RBFOX1: variants seen among roughly 807,000 people sequenced by gnomAD.
RBFOX1 encodes RNA binding fox-1 homolog 1.
RBFOX1 carries 8 observed loss-of-function variants against 57.7 expected under a neutral mutation model. That is an observed-to-expected ratio of 0.14 (90% CI 0.08 to 0.25). The LOEUF is 0.25. Among genes scored for constraint, RBFOX1 ranks in the 10% least tolerant of loss-of-function variants. RBFOX1 has a pLI of 1.00. For missense variants in RBFOX1, 611 were observed against 548.5 expected (o/e 1.11, Z -1.14); for synonymous variants, 326 against 222.4 (o/e 1.47, Z -4.15).
At chr16:6,594,240 C>G (rs1373372687) in intron 2 of RBFOX1, among the ~76,000 whole-genome samples, 5 of 152,194 alleles carry the variant, frequency 3.3e-5, no homozygotes, top group African/African-American at 1.2e-4. Context: ...TTGGTGACTG[C>G]TAAATGAAGA....
chr16:5,913,916 C>T (rs533044437), intron 4 of RBFOX1, among the ~76,000 whole-genome samples: 18 of 152,324 alleles, frequency 1.2e-4, no homozygotes, highest in African/African-American at 3.1e-4. Context: ...AAGAGGTGGA[C>T]AGGGTATATT....
At chr16:6,671,007 CAA>C (rs2098761265) in intron 3 of RBFOX1, among the ~76,000 whole-genome samples, 1 of 152,086 alleles carries the variant, frequency 6.6e-6, no homozygotes, top group East Asian at 1.9e-4. Flanking sequence ...CTCAAAAAAA[CAA>C]AAAACTGGTT....
At chr16:7,638,070 C>CTTT (rs1224769022) in intron 11 of RBFOX1, among the ~76,000 whole-genome samples, 1 of 152,150 alleles carries the variant, frequency 6.6e-6, no homozygotes, top group East Asian at 1.9e-4. Flanking sequence ...AAAACATGAT[C>CTTT]TATCTCCATT....
intron 3 of RBFOX1, among the ~76,000 whole-genome samples, chr16:5,825,606 G>A (rs1041653440): frequency 6.6e-6 from 1 of 152,144 alleles, no homozygotes; most frequent in African/African-American, 2.4e-5. Context: ...AATTTAAAGT[G>A]TACAATGTAA....
chr16:6,894,103 C>G (rs145395328), intron 3 of RBFOX1, among the ~76,000 whole-genome samples: 8 of 152,272 alleles, frequency 5.3e-5, no homozygotes, highest in African/African-American at 7.2e-5. Context: ...GATAGACGAA[C>G]AGATACAAAC....
At chr16:6,289,291 T>A (rs565353388) in intron 1 of RBFOX1, among the ~76,000 whole-genome samples, 1 of 152,154 alleles carries the variant, frequency 6.6e-6, no homozygotes, top group South Asian at 2.1e-4. Flanking sequence ...GGAGGTAGGA[T>A]GGAAGGGTGG....
intron 4 of RBFOX1, among the ~76,000 whole-genome samples, chr16:7,371,985 A>G (rs1042839255): frequency 2.0e-5 from 3 of 152,020 alleles, no homozygotes; most frequent in Non-Finnish European, 2.9e-5. Flanking sequence ...TCCATTATAA[A>G]CATTACTGCT....
At chr16:5,260,898 C>G (rs1381620045) in intron 1 of RBFOX1, 2 of 152,180 alleles carry the variant, frequency 1.3e-5, no homozygotes, top group African/African-American at 4.8e-5. Flanking sequence ...GTTCTGAGTC[C>G]AAATATTAAT....
intron 1 of RBFOX1, among the ~76,000 whole-genome samples, chr16:5,404,152 G>A (rs765945513): frequency 6.6e-6 from 1 of 151,854 alleles, no homozygotes; most frequent in South Asian, 2.1e-4. Context: ...GGAGGGGTGA[G>A]GAGATATGGG....
At chr16:6,914,880 C>T (rs1173039957) in intron 3 of RBFOX1, among the ~76,000 whole-genome samples, 1 of 152,144 alleles carries the variant, frequency 6.6e-6, no homozygotes, top group Non-Finnish European at 1.5e-5. Flanking sequence ...AGAGCAAGAC[C>T]CTCTCAAAAA....
chr16:5,783,214 G>A (rs866338924), intron 3 of RBFOX1, among the ~76,000 whole-genome samples: 1 of 152,278 alleles, frequency 6.6e-6, no homozygotes, highest in African/African-American at 2.4e-5. Flanking sequence ...TTCGGCTCTT[G>A]AAGATACAGT....
Position 7,174,740 on chromosome 16 carries a change from A to G in RBFOX1, c.27+122642A>G, listed in dbSNP as rs146019719. Among the ~76,000 whole-genome samples the G allele has an allele frequency of 7.5e-3, 1,148 of 152,346 alleles. 13 individuals are homozygous for G. The highest frequency in any genetic ancestry group is 0.026 in the African/African-American group (1,084 of 41,588). ...GATTGCAGTGAGCCAAGATTGCGCC[A>G]TTGCACTCCAGACTGGGAGACAAAG... On this transcript the variant is annotated intron_variant, in intron 4 of 15. Transcript: ENST00000550418.
chr16:7,397,107 A>C (rs2098153276), intron 4 of RBFOX1, among the ~76,000 whole-genome samples: 1 of 152,226 alleles, frequency 6.6e-6, no homozygotes, highest in African/African-American at 2.4e-5. Flanking sequence ...TTTTCAGTGC[A>C]TGAGTGATCA....
intron 12 of RBFOX1, 39 bp downstream of exon 12, chr16:7,653,986 A>C: frequency 1.4e-6 from 2 of 1,453,970 alleles, no homozygotes; most frequent in Non-Finnish European, 1.8e-6. Context: ...TCCCTGCACC[A>C]GCCCTCCCTC....
chr16:6,432,593 A>T (rs2094130225), intron 2 of RBFOX1, among the ~76,000 whole-genome samples: 1 of 151,820 alleles, frequency 6.6e-6, no homozygotes. Flanking sequence ...GAGGCACAAG[A>T]ATTGCCTGAA....
At chr16:5,630,533 G>A (rs1052208574) in intron 3 of RBFOX1, among the ~76,000 whole-genome samples, 1 of 152,180 alleles carries the variant, frequency 6.6e-6, no homozygotes, top group Non-Finnish European at 1.5e-5. Context: ...GATTACAAAA[G>A]TTCTTCAATC....
chr16:6,949,524 G>C (rs577172960), intron 3 of RBFOX1, among the ~76,000 whole-genome samples: 2 of 152,100 alleles, frequency 1.3e-5, no homozygotes, highest in Non-Finnish European at 2.9e-5. Context: ...GTTTCTTCTT[G>C]GGCCTCTCTC....
chr16:7,633,109 A>G (rs1014021880), intron 11 of RBFOX1, among the ~76,000 whole-genome samples: 7 of 152,226 alleles, frequency 4.6e-5, no homozygotes. Context: ...AATGATGTTT[A>G]GATTTTCCAA....
chr16:6,373,384 G>C (rs13338851), intron 2 of RBFOX1, among the ~76,000 whole-genome samples: 75,982 of 145,688 alleles, frequency 0.52, 19,494 homozygotes, highest in Middle Eastern at 0.61. Flanking sequence ...TAGTTTTTTA[G>C]GATCACTGGG....
Sources: gnomAD v4.1 joint callset for allele counts (sites outside exome capture counted in the v4.1 genomes callset) on GRCh38, gnomAD v4.1.1 for gene constraint, MANE v1.5 for transcripts, NCBI Gene and HGNC (gene_info 2026-07-23, HGNC 2026-07-21) for gene names.